The following APBB2 variants were observed in gnomAD, a reference collection of about 807,000 sequenced individuals.
APBB2 encodes the protein Fe65-like 1.
APBB2 carries 38 observed loss-of-function variants against 82.5 expected under a neutral mutation model. That is an observed-to-expected ratio of 0.46 (90% CI 0.36 to 0.60). The LOEUF (loss-of-function observed/expected upper bound fraction) is 0.60. APBB2 is among the 20% of genes least tolerant of loss of function. The probability of loss-of-function intolerance (pLI) is 0.00; values close to 1 mark genes in which losing one functional copy is unlikely to be tolerated. For missense variants in APBB2, 772 were observed against 972.3 expected (o/e 0.79, Z 2.74); for synonymous variants, 341 against 368.2 (o/e 0.93, Z 0.85).
chr4:40,930,833 C>T (rs1173094070), intron 10 of APBB2, among the ~76,000 whole-genome samples: 7 of 152,136 alleles, frequency 4.6e-5, no homozygotes, highest in East Asian at 1.9e-4. Flanking sequence ...CTGCAAGCTC[C>T]GCCTCCAGGG....
chr4:40,960,471 G>A (rs1201739621), intron 6 of APBB2, among the ~76,000 whole-genome samples: 13 of 112,300 alleles, frequency 1.2e-4, no homozygotes, highest in Non-Finnish European at 1.3e-4. Context: ...TTTTTGAGAC[G>A]GGGTCTCGCT....
intron 1 of APBB2, among the ~76,000 whole-genome samples, chr4:41,173,580 C>A (rs956237968): frequency 3.9e-5 from 6 of 152,196 alleles, no homozygotes; most frequent in African/African-American, 1.4e-4. Flanking sequence ...CAACGGCAGG[C>A]TGCATATACA....
chr4:40,965,108 A>C (rs1416869713), intron 6 of APBB2, among the ~76,000 whole-genome samples: 1 of 151,884 alleles, frequency 6.6e-6, no homozygotes, highest in Non-Finnish European at 1.5e-5. Context: ...CGACAGAGCA[A>C]GACTCCATCT....
At chr4:40,971,986 TATA>T (rs1796031850) in intron 6 of APBB2, among the ~76,000 whole-genome samples, 1 of 152,154 alleles carries the variant, frequency 6.6e-6, no homozygotes, top group East Asian at 1.9e-4. Context: ...AAAACTAAAA[TATA>T]ATATTTGGTT....
At chr4:40,900,756 CTTTTT>C (rs71988912) in intron 10 of APBB2, among the ~76,000 whole-genome samples, 19 of 130,088 alleles carry the variant, frequency 1.5e-4, no homozygotes, top group South Asian at 5.0e-4. Context: ...TGAGCCCGGG[CTTTTT>C]TTTTTTTTTT....
chr4:41,149,287 A>G (rs956596230), intron 1 of APBB2, among the ~76,000 whole-genome samples: 4 of 152,212 alleles, frequency 2.6e-5, no homozygotes, highest in Admixed American at 1.3e-4. Context: ...AAGATTAAAA[A>G]AAAATTAAAT....
At chr4:40,921,168 T>C (rs1781161394) in intron 10 of APBB2, among the ~76,000 whole-genome samples, 2 of 152,224 alleles carry the variant, frequency 1.3e-5, no homozygotes, top group Non-Finnish European at 2.9e-5. Context: ...TTGTCCATAA[T>C]GGCCTCACAC....
rs188706480 is a variant in APBB2, at chr4:41,073,466, C to A, written c.-148-7793G>T. On this transcript the variant is annotated intron_variant, in intron 3 of 17. Coordinates refer to ENST00000508593, the MANE Select transcript of APBB2 (RefSeq NM_004307.2). ...ATATTACCTTATTTCCCTTAAATTT[C>A]TTCTATTCTCTTTGTTTCTTGCCTT... Among the ~76,000 whole-genome samples the A allele has an allele frequency of 1.6e-4, 24 of 152,232 alleles. No individual in the cohort carries two copies. The East Asian group carries it at 4.4e-3, about 28-fold the overall frequency.
chr4:41,175,017 A>G (rs970065345), intron 1 of APBB2, among the ~76,000 whole-genome samples: 1 of 152,128 alleles, frequency 6.6e-6, no homozygotes, highest in Non-Finnish European at 1.5e-5. Flanking sequence ...ACATCCCTCT[A>G]TAAGATCAGT....
chr4:40,917,750 TAGA>T (rs1428169541), intron 10 of APBB2, among the ~76,000 whole-genome samples: 1 of 152,160 alleles, frequency 6.6e-6, no homozygotes, highest in African/African-American at 2.4e-5. Context: ...ATCAAAGAAG[TAGA>T]AGCTTTGGAA....
rs951629121 is a variant in APBB2, at chr4:41,133,145, C to T, written c.-261+9842G>A. Among the ~76,000 whole-genome samples the T allele has an allele frequency of 2.6e-5, 4 of 151,862 alleles. No individual in the cohort carries two copies. The South Asian group carries it at 8.3e-4, about 31-fold the overall frequency. ...TTTTCATTTTTTATATATATGTACA[C>T]GTAAGTGTGTATATATATCTTATAA... On this transcript the variant is annotated intron_variant, in intron 2 of 17. Transcript: ENST00000508593.
chr4:40,912,354 G>A (rs983675052), intron 10 of APBB2, among the ~76,000 whole-genome samples: 3 of 152,208 alleles, frequency 2.0e-5, no homozygotes, highest in Non-Finnish European at 2.9e-5. Context: ...CAAGGCGGGC[G>A]GATCACCAGG....
chr4:40,976,249 GA>G (rs1265522625), intron 6 of APBB2, among the ~76,000 whole-genome samples: 1 of 152,000 alleles, frequency 6.6e-6, no homozygotes, highest in African/African-American at 2.4e-5. Context: ...ATTTAGACAT[GA>G]AAAAAACCAA....
Position 40,917,436 on chromosome 4 carries a change from C to T in APBB2, c.1254+17020G>A, listed in dbSNP as rs116509541. On this transcript the variant is annotated intron_variant, in intron 10 of 17. Coordinates refer to ENST00000508593, the MANE Select transcript of APBB2 (RefSeq NM_004307.2). ...ACAGTACTCATCCCACCACCTGCTACGGTCCCCTGACAAGCCACTGAGGTC... is the reference window on the plus strand; with the variant it reads ...ACAGTACTCATCCCACCACCTGCTATGGTCCCCTGACAAGCCACTGAGGTC... 7.3e-3 allele frequency among the ~76,000 whole-genome samples: 1,118 copies of T among 152,260 alleles called. 15 individuals carry two copies. The highest frequency in any genetic ancestry group is 0.026 in the African/African-American group (1,060 of 41,544).
intron 12 of APBB2, among the ~76,000 whole-genome samples, chr4:40,878,937 T>C (rs1767630232): frequency 6.6e-6 from 1 of 152,158 alleles, no homozygotes; most frequent in African/African-American, 2.4e-5. Context: ...TCTTGGAAAT[T>C]GGGTTCTTGC....
intron 1 of APBB2, among the ~76,000 whole-genome samples, chr4:41,156,003 T>C (rs1466877736): frequency 7.1e-6 from 1 of 140,266 alleles, no homozygotes; most frequent in Non-Finnish European, 1.6e-5. Context: ...ACCACAAGTA[T>C]TATAACAACA....
At chr4:41,181,868 C>T (rs556287098) in intron 1 of APBB2, among the ~76,000 whole-genome samples, 3 of 150,128 alleles carry the variant, frequency 2.0e-5, no homozygotes, top group Non-Finnish European at 4.4e-5. Context: ...ATCGCTTGAA[C>T]CTGGGAGGTG....
At chr4:40,900,540 C>T (rs1305656345) in intron 10 of APBB2, among the ~76,000 whole-genome samples, 1 of 150,108 alleles carries the variant, frequency 6.7e-6, no homozygotes, top group Admixed American at 6.7e-5. Flanking sequence ...ACTGTAACCT[C>T]TGCCTCCTGG....
intron 4 of APBB2, among the ~76,000 whole-genome samples, chr4:41,050,607 A>G (rs1248365315): frequency 6.6e-6 from 1 of 152,216 alleles, no homozygotes; most frequent in Non-Finnish European, 1.5e-5. Flanking sequence ...CTGGAAAATC[A>G]AGCCTGAAAA....
Sources: allele counts gnomAD v4.1 joint callset (sites outside exome capture counted in the v4.1 genomes callset), GRCh38; gene constraint gnomAD v4.1.1; transcripts MANE v1.5; gene names NCBI Gene and HGNC (gene_info 2026-07-23, HGNC 2026-07-21).